Variants in PES1 observed in about 807,000 individuals in gnomAD.
PES1 encodes the protein pescadillo ribosomal biogenesis factor 1.
A neutral mutation model predicts 77.1 loss-of-function variants in PES1; 31 were observed. The ratio of observed to expected loss-of-function variants is 0.40; its 90% CI spans 0.30 to 0.54. The LOEUF (loss-of-function observed/expected upper bound fraction) is 0.54. PES1 is among the 20% of genes least tolerant of loss of function. The pLI is 0.45. For synonymous variants in PES1, 282 were observed against 303.0 expected (o/e 0.93, Z 0.72); for missense variants, 658 against 771.7 (o/e 0.85, Z 1.75).
At chr22:30,590,238 G>A (rs2087156745) in intron 1 of PES1, among the ~76,000 whole-genome samples, 1 of 152,156 alleles carries the variant, frequency 6.6e-6, no homozygotes, top group Admixed American at 6.5e-5. Flanking sequence ...CCACATTTCT[G>A]TATCCCTCAC....
rs754142747 is a variant in PES1 at position 30,602,817 on chromosome 22, G to A, written c.-661+2644C>T. Among the ~76,000 whole-genome samples the A allele has an allele frequency of 9.2e-5, 14 of 152,072 alleles. 1 individual carries two copies. Among genetic ancestry groups the A allele is most frequent in the Non-Finnish European group, 1.9e-4 (13 of 68,016 alleles). ...GTGTATGTTTAGGTTGATTTGTTTT[G>A]CATATAGACATCCAATTGTTCCTGC... On this transcript the variant is annotated intron_variant, in intron 2 of 16. Transcript: ENST00000402281.
intron 2 of PES1, among the ~76,000 whole-genome samples, chr22:30,600,569 C>T (rs1374820556): frequency 6.6e-6 from 1 of 152,132 alleles, no homozygotes; most frequent in Non-Finnish European, 1.5e-5. Context: ...GTAATCCCAG[C>T]ACTTTGGGAG....
intron 7 of PES1, 41 bp from the exon 8 acceptor site, chr22:30,581,449 C>T (rs373905880): frequency 1.2e-6 from 2 of 1,610,372 alleles, no homozygotes; most frequent in Non-Finnish European, 1.7e-6. Context: ...AGGACAGCCA[C>T]AGCCCCTCGC....
rs1412153075 is a variant in PES1 at position 30,586,824 on chromosome 22, CTG to C, written c.368+460_368+461del. Among the ~76,000 whole-genome samples the C allele has an allele frequency of 1.3e-5, 2 of 152,224 alleles. 1 individual carries two copies. Among genetic ancestry groups the C allele is most frequent in the East Asian group, 3.8e-4 (2 of 5,198 alleles). On this transcript the variant is annotated intron_variant, in intron 4 of 14. Coordinates refer to ENST00000354694, the MANE Select transcript of PES1 (RefSeq NM_014303.4). ...AATTAGCCAGGCGTGGTGGTGGTGTCTGTAATCCCAACTACTCAGGAGGCTGA... is the reference window on the plus strand; with the variant it reads ...AATTAGCCAGGCGTGGTGGTGGTGTCTAATCCCAACTACTCAGGAGGCTGA...
At chr22:30,603,492 C>T (rs2087390020) in intron 2 of PES1, among the ~76,000 whole-genome samples, 1 of 152,164 alleles carries the variant, frequency 6.6e-6, no homozygotes, top group Admixed American at 6.5e-5. Flanking sequence ...AGCAATTCTC[C>T]CGCCTCAACC....
intron 2 of PES1, chr22:30,601,745 T>C (rs1332007617): frequency 6.6e-6 from 1 of 152,092 alleles, no homozygotes; most frequent in African/African-American, 2.4e-5. Context: ...CTGCTTCCGG[T>C]TTTTAGCAGT....
In PES1 at chr22:30,577,136, G is replaced by T. The variant is rs1014047841; in HGVS notation, c.1684-7C>A. 7 of 1,613,006 alleles carry T rather than the reference G, an allele frequency of 4.3e-6. No homozygotes were observed. The highest frequency in any genetic ancestry group is 2.2e-5 in the East Asian group (1 of 44,884). Reference sequence around the variant, plus strand: ...TCTCCGCCAGCTTGTTGGCCTGTGAGGGGGAAGGCGAAGGTCAGGCTGAGG... The same window carrying T: ...TCTCCGCCAGCTTGTTGGCCTGTGATGGGGAAGGCGAAGGTCAGGCTGAGG... On this transcript the variant is annotated splice_region_variant and splice_polypyrimidine_tract_variant and intron_variant, in intron 14 of 14. Coordinates refer to ENST00000354694, the MANE Select transcript of PES1 (RefSeq NM_014303.4).
chr22:30,581,686 A>G, intron 6 of PES1, 42 bp from the exon 7 acceptor site: 1 of 1,382,848 alleles, frequency 7.2e-7, no homozygotes, highest in Non-Finnish European at 1.0e-6. Flanking sequence ...GGGTGCAGGG[A>G]TGGGGGCAAA....
intron 2 of PES1, among the ~76,000 whole-genome samples, chr22:30,601,115 C>T (rs2087348505): frequency 6.6e-6 from 1 of 152,152 alleles, no homozygotes; most frequent in Non-Finnish European, 1.5e-5. Context: ...TATATCATCA[C>T]TTCTGCATTC....
rs745506685 is a variant in PES1, at chr22:30,581,420, A to C, written c.748-12T>G. ...GCCTGACCCTCGAGCTAGTAGGCAA[A>C]GGGAAGGTCAGGAGGCAGAGGACAG... On this transcript the variant is annotated splice_polypyrimidine_tract_variant and intron_variant, in intron 7 of 14. Transcript: ENST00000354694. The C allele has an allele frequency of 1.1e-4, 172 of 1,613,390 alleles. No individual in the cohort carries two copies. The highest frequency in any genetic ancestry group is 1.3e-4 in the Non-Finnish European group (157 of 1,179,942).
chr22:30,584,504 A>G lies in PES1; in HGVS notation c.540+42T>C. 3 of 1,608,798 alleles carry G rather than the reference A, an allele frequency of 1.9e-6. No homozygotes were observed. In the South Asian group the frequency reaches 3.3e-5, roughly 18 times the overall value. Reference sequence around the variant, plus strand: ...GGTGAAGACCATGGGGTGGCAGGAGAGGGGGCAGGGTGGGATGCCAGCCGG... The same window carrying G: ...GGTGAAGACCATGGGGTGGCAGGAGGGGGGGCAGGGTGGGATGCCAGCCGG... On this transcript the variant is annotated intron_variant, in intron 5 of 14. Transcript: ENST00000354694.
upstream of PES1, among the ~76,000 whole-genome samples, chr22:30,596,722 T>A (rs2087257425): frequency 6.6e-6 from 1 of 152,218 alleles, no homozygotes; most frequent in South Asian, 2.1e-4. Flanking sequence ...CCTCGCTCGC[T>A]CTCAGTGCCT....
upstream of PES1, among the ~76,000 whole-genome samples, chr22:30,593,155 T>A (rs536247222): frequency 6.6e-6 from 1 of 152,196 alleles, no homozygotes; most frequent in East Asian, 1.9e-4. Context: ...ACTATCTAAT[T>A]TAAAGCTAAA....
intron 14 of PES1, 65 bp downstream of exon 14, chr22:30,578,772 A>T: frequency 5.2e-6 from 8 of 1,548,254 alleles, no homozygotes; most frequent in Non-Finnish European, 7.1e-6. Context: ...CAAGCCACAT[A>T]AGTTCACCTG....
intron 6 of PES1, among the ~76,000 whole-genome samples, 184 bp from the exon 7 acceptor site, chr22:30,581,828 C>T (rs936332292): frequency 3.3e-5 from 5 of 152,144 alleles, no homozygotes; most frequent in Non-Finnish European, 5.9e-5. Flanking sequence ...AGGGGCGTTC[C>T]GGCCACAAGT....
chr22:30,584,128 G>A (rs1229935031), intron 6 of PES1: 2 of 558,378 alleles, frequency 3.6e-6, no homozygotes, highest in East Asian at 6.1e-5. Context: ...GAGGCACAGA[G>A]AGGTGAAAGG....
rs781485700 is a variant in PES1, at chr22:30,584,696, G to A, written c.390C>T (p.Ala130=). The change falls in exon 5 of 15, where the codon GCC becomes GCT. Residue 130 remains alanine (A), a synonymous_variant. Coordinates refer to ENST00000354694, the MANE Select transcript of PES1 (RefSeq NM_014303.4). ...IKERYPTFID[A]LRDLDDALSM... Reference sequence around the variant, plus strand: ...AGAGGGCATCGTCCAGGTCCCGCAGGGCATCGATGAACGTGGGATACCTGC... The same window carrying A: ...AGAGGGCATCGTCCAGGTCCCGCAGAGCATCGATGAACGTGGGATACCTGC... 6.2e-6 allele frequency: 10 copies of A among 1,613,792 alleles called. No homozygotes were observed. Among genetic ancestry groups the A allele is most frequent in the Non-Finnish European group, 6.8e-6 (8 of 1,180,024 alleles).
At chr22:30,583,312 G>A (rs1391065185) in intron 6 of PES1, among the ~76,000 whole-genome samples, 1 of 152,194 alleles carries the variant, frequency 6.6e-6, no homozygotes, top group Admixed American at 6.5e-5. Context: ...AGCCAGTCAG[G>A]GTAGGTTCCA....
intron 2 of PES1, among the ~76,000 whole-genome samples, chr22:30,598,021 C>A (rs1469491489): frequency 6.6e-6 from 1 of 151,218 alleles, no homozygotes; most frequent in African/African-American, 2.4e-5. Flanking sequence ...GTAGCTGGGA[C>A]TACAGGCGCC....
Sources: gnomAD v4.1 joint callset for allele counts (sites outside exome capture counted in the v4.1 genomes callset) on GRCh38, gnomAD v4.1.1 for gene constraint, MANE v1.5 for transcripts, NCBI Gene and HGNC (gene_info 2026-07-23, HGNC 2026-07-21) for gene names.